Variants in SPIDR observed in about 807,000 individuals in gnomAD.
The protein encoded by SPIDR is scaffold protein involved in DNA repair.
A neutral mutation model predicts 104.6 loss-of-function variants in SPIDR; 93 were observed. That is an observed-to-expected ratio of 0.89 (90% CI 0.75 to 1.06). The LOEUF is 1.06. Ranked by LOEUF, SPIDR falls within the 50% of genes least tolerant of loss-of-function variation. The pLI, the probability that SPIDR is intolerant of heterozygous loss-of-function variation, is 0.00. For synonymous variants in SPIDR, 431 were observed against 416.9 expected, an observed-to-expected ratio of 1.03 and a Z score of -0.41; for missense variants, 1,154 against 1,111.2, an observed-to-expected ratio of 1.04 and a Z score of -0.55.
chr8:47,735,155 C>T lies in SPIDR; in HGVS notation c.2605-152C>T. On this transcript the variant is annotated intron_variant, in intron 19 of 19. Transcript: ENST00000297423. ...GTGTGTAGTGGCTCTTCATTTGTTT[C>T]TCCTTCCTACCACTGTTCTCAGCCA... The T allele has an allele frequency of 2.9e-6, 2 of 690,392 alleles. 1 individual carries two copies. The highest frequency in any genetic ancestry group is 5.0e-5 in the East Asian group (2 of 40,132). The allele number at this position is 690,392 out of a possible 1,614,324, so 42.8% of individuals were successfully genotyped here.
intron 8 of SPIDR, among the ~76,000 whole-genome samples, chr8:47,480,190 A>T (rs1170760125): frequency 1.3e-5 from 2 of 152,240 alleles, no homozygotes; most frequent in African/African-American, 2.4e-5. Flanking sequence ...TGTGCTGGGC[A>T]CTGAAGATTT....
chr8:47,516,351 G>C (rs2083152193), intron 8 of SPIDR, among the ~76,000 whole-genome samples: 1 of 152,132 alleles, frequency 6.6e-6, no homozygotes, highest in South Asian at 2.1e-4. Flanking sequence ...CAATCATAAT[G>C]TGGTGCAACC....
At chr8:47,386,296 A>G (rs1239021893) in intron 5 of SPIDR, among the ~76,000 whole-genome samples, 2 of 151,852 alleles carry the variant, frequency 1.3e-5, no homozygotes, top group African/African-American at 4.8e-5. Context: ...CCCTTCATTT[A>G]TTTTCTTTTT....
chr8:47,352,751 T>C (rs1487527263), intron 5 of SPIDR, among the ~76,000 whole-genome samples: 2 of 152,134 alleles, frequency 1.3e-5, no homozygotes, highest in African/African-American at 4.8e-5. Flanking sequence ...TGGCAAAAAC[T>C]AAGTAAAGTA....
chr8:47,671,135 C>A (rs898166275), intron 10 of SPIDR, among the ~76,000 whole-genome samples: 6 of 152,120 alleles, frequency 3.9e-5, no homozygotes, highest in Non-Finnish European at 8.8e-5. Context: ...ATCTCGAACT[C>A]CTAGACTCAA....
At chr8:47,357,534 T>C (rs2054801604) in intron 5 of SPIDR, among the ~76,000 whole-genome samples, 1 of 152,288 alleles carries the variant, frequency 6.6e-6, no homozygotes, top group South Asian at 2.1e-4. Flanking sequence ...CAAACTTCTT[T>C]ATTTATCTTA....
chr8:47,382,161 C>G (rs1433775651), intron 5 of SPIDR, among the ~76,000 whole-genome samples: 3 of 152,090 alleles, frequency 2.0e-5, no homozygotes, highest in Non-Finnish European at 2.9e-5. Context: ...GACTTGATAG[C>G]AGACACAGGT....
Position 47,617,452 on chromosome 8 carries a change from C to T in SPIDR, c.1544+18256C>T, listed in dbSNP as rs188495230. Among the ~76,000 whole-genome samples the T allele has an allele frequency of 1.9e-3, 296 of 152,284 alleles. 2 individuals carry two copies. The highest frequency in any genetic ancestry group is 3.0e-3 in the Non-Finnish European group (202 of 68,024). ...TAATGGTATAGGATTGGGGGCACTT[C>T]TAAGACCTTAAACATAATTTTGCAG... On this transcript the variant is annotated intron_variant, in intron 10 of 19. Coordinates refer to ENST00000297423, the MANE Select transcript of SPIDR (RefSeq NM_001080394.4).
rs370080682 is a variant in SPIDR, at chr8:47,423,774, A to G, written c.877+15813A>G. On this transcript the variant is annotated intron_variant, in intron 7 of 19. Coordinates refer to ENST00000297423, the MANE Select transcript of SPIDR (RefSeq NM_001080394.4). ...TTCACTTCCAAGGTAGTGCCTTGGA[A>G]ACCTGCACTTTAAAATGTAGCTGTG... Among the ~76,000 whole-genome samples, 577 of 152,298 alleles carry G rather than the reference A, an allele frequency of 3.8e-3. 3 individuals carry two copies. Among genetic ancestry groups the G allele is most frequent in the South Asian group, 0.022 (108 of 4,828 alleles).
At chr8:47,506,745 A>G (rs571560892) in intron 8 of SPIDR, among the ~76,000 whole-genome samples, 4 of 152,352 alleles carry the variant, frequency 2.6e-5, no homozygotes, top group Admixed American at 2.6e-4. Context: ...ACTGGCAGAC[A>G]GTGAAGACAA....
chr8:47,490,029 G>A (rs1554737649), intron 8 of SPIDR, among the ~76,000 whole-genome samples: 2 of 152,170 alleles, frequency 1.3e-5, no homozygotes, highest in East Asian at 3.8e-4. Context: ...AAGAGCTTCT[G>A]CACAGCAAAA....
At chr8:47,447,393 T>C (rs2154346674) in intron 8 of SPIDR, among the ~76,000 whole-genome samples, 1 of 152,168 alleles carries the variant, frequency 6.6e-6, no homozygotes, top group South Asian at 2.1e-4. Flanking sequence ...TTTGTATTTT[T>C]AGTAGAGATG....
intron 8 of SPIDR, among the ~76,000 whole-genome samples, chr8:47,591,512 T>A (rs1235589590): frequency 6.6e-6 from 1 of 151,900 alleles, no homozygotes; most frequent in Non-Finnish European, 1.5e-5. Context: ...TTGCAGAAAT[T>A]TCCAGACAAG....
At chr8:47,667,422 C>G (rs1367196406) in intron 10 of SPIDR, among the ~76,000 whole-genome samples, 1 of 144,068 alleles carries the variant, frequency 6.9e-6, no homozygotes, top group East Asian at 2.0e-4. Flanking sequence ...CATAGCAAGA[C>G]CTCGTCTCTT....
intron 6 of SPIDR, among the ~76,000 whole-genome samples, chr8:47,400,941 A>G (rs1686761059): frequency 6.6e-6 from 1 of 152,068 alleles, no homozygotes; most frequent in African/African-American, 2.4e-5. Context: ...AACTGCCCCA[A>G]TCTAGCGAGG....
chr8:47,481,834 T>C (rs1554727361), intron 8 of SPIDR, among the ~76,000 whole-genome samples: 1 of 152,226 alleles, frequency 6.6e-6, no homozygotes, highest in Non-Finnish European at 1.5e-5. Context: ...TCTCTGGAGA[T>C]AGTGGAGTTC....
intron 8 of SPIDR, among the ~76,000 whole-genome samples, chr8:47,470,352 G>C (rs1353065838): frequency 6.6e-6 from 1 of 152,038 alleles, no homozygotes; most frequent in Non-Finnish European, 1.5e-5. Flanking sequence ...GCAGCGACAC[G>C]ATCTCGGCTC....
At chr8:47,625,831 C>T (rs973028223) in intron 10 of SPIDR, among the ~76,000 whole-genome samples, 1 of 152,174 alleles carries the variant, frequency 6.6e-6, no homozygotes, top group African/African-American at 2.4e-5. Context: ...TTTATAGATT[C>T]AGTGCCATCC....
intron 10 of SPIDR, among the ~76,000 whole-genome samples, chr8:47,617,800 A>G (rs2064542910): frequency 6.6e-6 from 1 of 152,198 alleles, no homozygotes; most frequent in South Asian, 2.1e-4. Context: ...ATATGAGCTA[A>G]TGTTTCCAAA....
Sources: gnomAD v4.1 joint callset for allele counts (sites outside exome capture counted in the v4.1 genomes callset) on GRCh38, gnomAD v4.1.1 for gene constraint, MANE v1.5 for transcripts, NCBI Gene and HGNC (gene_info 2026-07-23, HGNC 2026-07-21) for gene names.